FASTKD1: variants seen among roughly 807,000 people sequenced by gnomAD.
The protein encoded by FASTKD1 is FAST kinase domains 1.
FASTKD1 carries 94 observed loss-of-function variants against 90.9 expected under a neutral mutation model. That is an observed-to-expected ratio of 1.03 (90% CI 0.88 to 1.23). The LOEUF is 1.23. Among genes scored for constraint, FASTKD1 ranks in the 50% most tolerant of loss-of-function variants. The probability of loss-of-function intolerance (pLI) is 0.00; values close to 1 mark genes in which losing one functional copy is unlikely to be tolerated. For synonymous variants in FASTKD1, 319 were observed against 345.8 expected, an observed-to-expected ratio of 0.92 and a Z score of 0.86; for missense variants, 945 against 993.5, an observed-to-expected ratio of 0.95 and a Z score of 0.66.
rs1165805682 is a variant in FASTKD1 at position 169,544,721 on chromosome 2, C to T, written c.1816G>A (p.Gly606Ser). The T allele has an allele frequency of 3.9e-6, 6 of 1,541,612 alleles. No homozygotes were observed. The highest frequency in any genetic ancestry group is 5.4e-6 in the Non-Finnish European group (6 of 1,115,084). The change falls in exon 9 of 15, where the codon GGT becomes AGT. Residue 606 changes from glycine to serine, a missense_variant and splice_region_variant. Coordinates refer to ENST00000453153, the MANE Select transcript of FASTKD1 (RefSeq NM_024622.6). ...ATGTATTACCAAACAATATACCTAC[C>T]TAAGTAAGAATTAAGATGTTGCACG... is the stretch of plus-strand genomic sequence containing the variant. Reference protein sequence around the residue: ...TCVQHLNSYLGILDPFILVFL... With the variant: ...TCVQHLNSYLSILDPFILVFL...
Position 169,546,692 on chromosome 2 carries a change from A to G in FASTKD1, c.1227T>C (p.Asn409=). 6.3e-7 allele frequency: 1 copy of G among 1,593,022 alleles called. No individual in the cohort carries two copies. Among genetic ancestry groups the G allele is most frequent in the East Asian group, 2.2e-5 (1 of 44,630 alleles). ...CAGACACCTCAGTTGGTATGAAACT[A>G]TTTTTCAAATAACTGCAAAATGAAA... The part of the protein sequence containing the change: ...LRELLLSYLK[N]SFIPTEVSVL... The change falls in exon 8 of 15, where the codon AAT becomes AAC. Residue 409 remains asparagine (N), a synonymous_variant. Transcript: ENST00000453153.
chr2:169,542,370 GAAGAA>G (rs1219294172), intron 9 of FASTKD1, among the ~76,000 whole-genome samples: 2 of 152,126 alleles, frequency 1.3e-5, no homozygotes, highest in Admixed American at 6.6e-5. Context: ...GTGAGTCTGA[GAAGAA>G]AAGTCTCATA....
chr2:169,538,112 G>A lies in FASTKD1; in HGVS notation c.1975C>T (p.Gln659Ter). The A allele has an allele frequency of 6.2e-7, 1 of 1,606,300 alleles. No homozygotes were observed. The highest frequency in any genetic ancestry group is 8.5e-7 in the Non-Finnish European group (1 of 1,177,266). ...ILSPSRSARV[Q>*]FHLMELNRSV... ...CTATTTAACTCCATAAGATGAAACT[G>A]GACTCTTGCACTTCGAGATGGAGAT... Residue 659 changes from glutamine to a stop codon, truncating the protein, a stop_gained, in exon 11 of 15, where the codon CAG becomes TAG. Coordinates refer to ENST00000453153, the MANE Select transcript of FASTKD1 (RefSeq NM_024622.6). LOFTEE classifies it high-confidence loss of function.
Position 169,538,143 on chromosome 2 carries a change from T to C in FASTKD1, c.1946-2A>G, listed in dbSNP as rs1364533383. 2 of 1,588,660 alleles carry C rather than the reference T, an allele frequency of 1.3e-6. No homozygotes were observed. The highest frequency in any genetic ancestry group is 2.2e-5 in the East Asian group (1 of 44,476). On this transcript the variant is annotated splice_acceptor_variant, in intron 10 of 14. Transcript: ENST00000453153. LOFTEE classifies it high-confidence loss of function. ...TTGCACTTCGAGATGGAGATAAAAC[T>C]GAAATTAATAAAATACTAATGAATT...
At chr2:169,565,203 G>A (rs1466993623) in intron 3 of FASTKD1, among the ~76,000 whole-genome samples, 1 of 144,336 alleles carries the variant, frequency 6.9e-6, no homozygotes, top group Non-Finnish European at 1.5e-5. Flanking sequence ...AGCCCGCCTC[G>A]GCCTCCGAAA....
intron 4 of FASTKD1, among the ~76,000 whole-genome samples, chr2:169,562,131 A>G (rs981712341): frequency 2.3e-5 from 3 of 130,534 alleles, no homozygotes; most frequent in African/African-American, 8.5e-5. Context: ...TAAATTAATT[A>G]TTTATTAATT....
chr2:169,553,068 A>G (rs1000493683), intron 7 of FASTKD1, among the ~76,000 whole-genome samples: 2 of 151,848 alleles, frequency 1.3e-5, no homozygotes, highest in Admixed American at 1.3e-4. Context: ...TTAGCCAGGC[A>G]TGGTGCCTCA....
chr2:169,543,731 A>G (rs1685062495), intron 9 of FASTKD1, among the ~76,000 whole-genome samples: 1 of 152,138 alleles, frequency 6.6e-6, no homozygotes, highest in Non-Finnish European at 1.5e-5. Flanking sequence ...GTTCATTATT[A>G]TACAGTTTAT....
At chr2:169,539,579 G>A (rs1684878076) in intron 10 of FASTKD1, among the ~76,000 whole-genome samples, 1 of 152,062 alleles carries the variant, frequency 6.6e-6, no homozygotes, top group South Asian at 2.1e-4. Flanking sequence ...ACCAGCCTGG[G>A]CAATACAGTG....
chr2:169,555,420 A>G (rs1216737116), intron 6 of FASTKD1, among the ~76,000 whole-genome samples, 165 bp from the exon 7 acceptor site: 1 of 152,228 alleles, frequency 6.6e-6, no homozygotes, highest in East Asian at 1.9e-4. Flanking sequence ...AGAAATGTAA[A>G]CAACTAAAAC....
At chr2:169,534,203 A>G (rs1180139293) in intron 12 of FASTKD1, among the ~76,000 whole-genome samples, 2 of 149,972 alleles carry the variant, frequency 1.3e-5, no homozygotes, top group South Asian at 2.1e-4. Flanking sequence ...AAAAAAAAAA[A>G]AAAAAAAAAA....
At position 169,534,183 on chromosome 2, in the gene FASTKD1, C is replaced by CA. The variant is rs71003097; in HGVS notation, c.2189-2694dup. On this transcript the variant is annotated intron_variant, in intron 12 of 14. Transcript: ENST00000453153. ...TGGGTGACAGAACAAGACCCTTTCT[C>CA]AAAAAAAAAAAAAAAAAAAAAAAAA... Among the ~76,000 whole-genome samples the CA allele has an allele frequency of 7.8e-3, 363 of 46,318 alleles. 19 individuals are homozygous for CA. The highest frequency in any genetic ancestry group is 0.021 in the African/African-American group (223 of 10,408). 30.4% of individuals were successfully genotyped at this position (46,318 alleles called of 152,430 possible). A position where few individuals can be genotyped will look rare whatever the true frequency, so the allele number is the denominator to read the frequency against.
intron 7 of FASTKD1, among the ~76,000 whole-genome samples, chr2:169,549,981 C>A (rs1685416799): frequency 6.6e-6 from 1 of 152,048 alleles, no homozygotes. Context: ...GGGAAACTAA[C>A]CTAATAAACT....
intron 4 of FASTKD1, among the ~76,000 whole-genome samples, chr2:169,562,352 C>T (rs1683740945): frequency 1.3e-5 from 2 of 151,862 alleles, no homozygotes; most frequent in Non-Finnish European, 2.9e-5. Context: ...TGTGCCTCAG[C>T]CTCCCGAGTA....
At chr2:169,538,466 C>T (rs1239968376) in intron 10 of FASTKD1, among the ~76,000 whole-genome samples, 4 of 151,784 alleles carry the variant, frequency 2.6e-5, no homozygotes, top group Non-Finnish European at 4.4e-5. Flanking sequence ...CACCTGAGGT[C>T]GGGAGTTCAA....
At chr2:169,561,657 T>C (rs1280226022) in intron 4 of FASTKD1, among the ~76,000 whole-genome samples, 2 of 149,908 alleles carry the variant, frequency 1.3e-5, no homozygotes, top group African/African-American at 4.9e-5. Context: ...AATTTGTGAA[T>C]TTGTTTATAA....
intron 12 of FASTKD1, among the ~76,000 whole-genome samples, chr2:169,536,351 T>C (rs1041802569): frequency 2.6e-5 from 4 of 152,130 alleles, no homozygotes; most frequent in Non-Finnish European, 4.4e-5. Flanking sequence ...CTATCTGTCC[T>C]CCTTTGTTTC....
intron 9 of FASTKD1, among the ~76,000 whole-genome samples, chr2:169,542,221 T>C (rs1684987339): frequency 6.6e-6 from 1 of 152,186 alleles, no homozygotes; most frequent in African/African-American, 2.4e-5. Context: ...TGGTAGTTTA[T>C]CTGTTTTTAC....
chr2:169,537,372 A>C, intron 11 of FASTKD1, 32 bp from the exon 12 acceptor site: 1 of 1,400,816 alleles, frequency 7.1e-7, no homozygotes, highest in South Asian at 1.3e-5. Context: ...TAGTCTACTT[A>C]ATCTTTTTTT....
Sources: allele counts gnomAD v4.1 joint callset (sites outside exome capture counted in the v4.1 genomes callset), GRCh38; gene constraint gnomAD v4.1.1; transcripts MANE v1.5; gene names NCBI Gene and HGNC (gene_info 2026-07-23, HGNC 2026-07-21).